TMPRSS4: variants seen among roughly 807,000 people sequenced by gnomAD.
TMPRSS4 encodes transmembrane serine protease 4.
Under a neutral mutation model 56.4 loss-of-function variants are expected in TMPRSS4, and 45 were observed. The observed-to-expected ratio is 0.80, with a 90% confidence interval of 0.63 to 1.02. TMPRSS4 has a LOEUF of 1.02. Ranked by LOEUF, TMPRSS4 falls within the 50% of genes least tolerant of loss-of-function variation. The probability of loss-of-function intolerance (pLI) is 0.00; values close to 1 mark genes in which losing one functional copy is unlikely to be tolerated. For synonymous variants in TMPRSS4, 205 were observed against 211.0 expected (o/e 0.97, Z 0.25); for missense variants, 546 against 556.7 (o/e 0.98, Z 0.19).
intron 1 of TMPRSS4, among the ~76,000 whole-genome samples, chr11:118,089,272 G>A (rs149166965): frequency 8.5e-5 from 13 of 152,308 alleles, no homozygotes; most frequent in African/African-American, 2.2e-4. Flanking sequence ...TTGCCAAAGA[G>A]CTTCAAGAAA....
At chr11:118,109,175 G>A (rs757014030) in intron 7 of TMPRSS4, among the ~76,000 whole-genome samples, 2 of 152,126 alleles carry the variant, frequency 1.3e-5, no homozygotes, top group Non-Finnish European at 2.9e-5. Context: ...TAGGAAGACC[G>A]AAAAGGGCAG....
chr11:118,102,055 C>T (rs575587187), intron 3 of TMPRSS4, among the ~76,000 whole-genome samples: 122 of 152,058 alleles, frequency 8.0e-4, no homozygotes, highest in African/African-American at 2.8e-3. Context: ...AGGTTTGTTA[C>T]GTAGGTAAGC....
chr11:118,088,066 C>T (rs985469467), intron 1 of TMPRSS4, among the ~76,000 whole-genome samples: 2 of 152,170 alleles, frequency 1.3e-5, no homozygotes, highest in Non-Finnish European at 2.9e-5. Context: ...TTATATCCAA[C>T]AAGGCTGCAT....
intron 1 of TMPRSS4, among the ~76,000 whole-genome samples, chr11:118,078,965 AGAG>A (rs1263877932): frequency 6.6e-6 from 1 of 152,156 alleles, no homozygotes; most frequent in Admixed American, 6.5e-5. Flanking sequence ...TTAGGACTAA[AGAG>A]GAGTCTGTGC....
At chr11:118,079,677 C>T (rs561252250) in intron 1 of TMPRSS4, among the ~76,000 whole-genome samples, 1 of 152,222 alleles carries the variant, frequency 6.6e-6, no homozygotes, top group Non-Finnish European at 1.5e-5. Context: ...GAAGCTGGTC[C>T]TCCCTCCCAC....
intron 4 of TMPRSS4, among the ~76,000 whole-genome samples, chr11:118,104,336 T>C (rs1240937777): frequency 6.6e-6 from 1 of 152,146 alleles, no homozygotes; most frequent in African/African-American, 2.4e-5. Context: ...GATGGGTATG[T>C]GGTCCATACA....
At position 118,121,856 on chromosome 11, in the gene TMPRSS4, C is replaced by T. The variant is rs1046962135; in HGVS notation, c.*3943C>T. On this transcript the variant is annotated 3_prime_UTR_variant, in exon 13 of 13. Coordinates refer to ENST00000437212, the MANE Select transcript of TMPRSS4 (RefSeq NM_019894.4). ...GCCTAACTGAAATATGGAGTAACCACAGCATGCAGCATGTAAATTAAAGGG... is the reference window on the plus strand; with the variant it reads ...GCCTAACTGAAATATGGAGTAACCATAGCATGCAGCATGTAAATTAAAGGG... 4.6e-5 allele frequency: 7 copies of T among 152,232 alleles called. No homozygotes were observed. Among genetic ancestry groups the T allele is most frequent in the Non-Finnish European group, 8.8e-5 (6 of 68,022 alleles). The allele number at this position is 152,232 out of a possible 1,614,324, so 9.4% of individuals were successfully genotyped here. A position where few individuals can be genotyped will look rare whatever the true frequency, so the allele number is the denominator to read the frequency against.
intron 5 of TMPRSS4, chr11:118,107,321 C>G (rs1468043564): frequency 6.5e-6 from 1 of 153,776 alleles, no homozygotes; most frequent in African/African-American, 2.4e-5. Context: ...CAAAGTCAGA[C>G]CAGATGCTTT....
At chr11:118,104,450 A>G (rs980137133) in intron 4 of TMPRSS4, among the ~76,000 whole-genome samples, 24 of 152,170 alleles carry the variant, frequency 1.6e-4, no homozygotes, top group African/African-American at 5.6e-4. Context: ...CCATTGGGTC[A>G]GGGCAACAGG....
chr11:118,081,318 T>TG (rs1481727993), intron 1 of TMPRSS4, among the ~76,000 whole-genome samples: 1 of 152,156 alleles, frequency 6.6e-6, no homozygotes, highest in Admixed American at 6.5e-5. Flanking sequence ...CCGGAAACCC[T>TG]GGTGATAGGG....
At chr11:118,096,284 C>A (rs1168294953) in intron 2 of TMPRSS4, among the ~76,000 whole-genome samples, 2 of 152,222 alleles carry the variant, frequency 1.3e-5, no homozygotes, top group African/African-American at 4.8e-5. Flanking sequence ...ACTGCGTGGC[C>A]TCTGTGTCTG....
At chr11:118,077,382 C>G in intron 1 of TMPRSS4, 77 bp downstream of exon 1, 1 of 1,473,616 alleles carries the variant, frequency 6.8e-7, no homozygotes, top group Admixed American at 2.3e-5. Flanking sequence ...GCAGCCTGAG[C>G]ATCCATCAGC....
In TMPRSS4 at chr11:118,096,896, AAAGAAAGAAAGAAAGG is replaced by A. The variant is rs1171578566; in HGVS notation, c.43+2042_43+2057del. Among the ~76,000 whole-genome samples, 9 of 55,692 alleles carry A rather than the reference AAAGAAAGAAAGAAAGG, an allele frequency of 1.6e-4. 1 individual carries two copies. In the South Asian group the frequency reaches 3.4e-3, roughly 21 times the overall value. 36.5% of individuals were successfully genotyped at this position (55,692 alleles called of 152,430 possible). ...GAAAGAAAGAAAGAAAGAAAGAAAG[AAAGAAAGAAAGAAAGG>A]GAGAGAGAAAGGAAAGAAAGAAAGA... On this transcript the variant is annotated intron_variant, in intron 2 of 12. Coordinates refer to ENST00000437212, the MANE Select transcript of TMPRSS4 (RefSeq NM_019894.4).
Position 118,077,139 on chromosome 11 carries a change from G to C in TMPRSS4, c.-164G>C. ...CAGCGGACAAGGATGCTGGGCGTGA[G>C]GGACCAAGGCCTGCCCTGCACTCGG... is the stretch of plus-strand genomic sequence containing the variant. On this transcript the variant is annotated 5_prime_UTR_variant, in exon 1 of 13. Coordinates refer to ENST00000437212, the MANE Select transcript of TMPRSS4 (RefSeq NM_019894.4). The C allele has an allele frequency of 1.4e-6, 1 of 707,104 alleles. No homozygotes were observed. The highest frequency in any genetic ancestry group is 2.3e-6 in the Non-Finnish European group (1 of 438,234). 43.8% of individuals were successfully genotyped at this position (707,104 alleles called of 1,614,324 possible).
At chr11:118,107,548 C>A in intron 5 of TMPRSS4, 6 of 397,496 alleles carry the variant, frequency 1.5e-5, no homozygotes, top group Non-Finnish European at 1.8e-5. Flanking sequence ...AAGCAAGTTA[C>A]ATCAGCAATG....
intron 7 of TMPRSS4, among the ~76,000 whole-genome samples, chr11:118,110,307 G>A (rs541511260): frequency 3.6e-4 from 54 of 151,070 alleles, no homozygotes; most frequent in South Asian, 6.3e-4. Context: ...CAATTTTTCC[G>A]CAAACCAAGA....
At chr11:118,099,305 C>A in intron 3 of TMPRSS4, 1 of 471,196 alleles carries the variant, frequency 2.1e-6, no homozygotes, top group Non-Finnish European at 3.8e-6. Context: ...GCAGCCCCTA[C>A]TTGTCCTTCA....
rs1947760831 is a variant in TMPRSS4, at chr11:118,120,581, A to G, written c.*2668A>G. On this transcript the variant is annotated 3_prime_UTR_variant, in exon 13 of 13. Coordinates refer to ENST00000437212, the MANE Select transcript of TMPRSS4 (RefSeq NM_019894.4). ...TTTAGAAATAAAAACTATAATTATA[A>G]AAATAAAAAACTAAGTGGATGGGGT... 1 of 134,672 alleles carries G rather than the reference A, an allele frequency of 7.4e-6. No individual in the cohort carries two copies. Among genetic ancestry groups the G allele is most frequent in the Admixed American group, 7.6e-5 (1 of 13,182 alleles). The allele number at this position is 134,672 out of a possible 1,614,324, so 8.3% of individuals were successfully genotyped here.
At chr11:118,123,056 T>C (rs914189622), downstream of TMPRSS4, among the ~76,000 whole-genome samples, 1 of 152,084 alleles carries the variant, frequency 6.6e-6, no homozygotes, top group Non-Finnish European at 1.5e-5. Context: ...TCTCCAGAAC[T>C]GTGAGCAATA....
Sources: gnomAD v4.1 joint callset for allele counts (sites outside exome capture counted in the v4.1 genomes callset) on GRCh38, gnomAD v4.1.1 for gene constraint, MANE v1.5 for transcripts, NCBI Gene and HGNC (gene_info 2026-07-23, HGNC 2026-07-21) for gene names.